Variants in TPD52 observed in about 807,000 individuals in gnomAD.
TPD52 encodes the protein tumor protein D52.
TPD52 carries 17 observed loss-of-function variants against 31.3 expected under a neutral mutation model. The observed-to-expected ratio is 0.54, with a 90% CI of 0.37 to 0.82. The LOEUF is 0.82. Among genes scored for constraint, TPD52 ranks in the 40% least tolerant of loss-of-function variants. The pLI, the probability that TPD52 is intolerant of heterozygous loss-of-function variation, is 0.00. For synonymous variants in TPD52, 83 were observed against 89.6 expected, an observed-to-expected ratio of 0.93 and a Z score of 0.42; for missense variants, 212 against 240.1, an observed-to-expected ratio of 0.88 and a Z score of 0.77.
intron 1 of TPD52, among the ~76,000 whole-genome samples, chr8:80,109,096 G>A (rs1807326077): frequency 6.6e-6 from 1 of 152,164 alleles, no homozygotes; most frequent in Non-Finnish European, 1.5e-5. Flanking sequence ...CAGTCTCACA[G>A]TGAGTGAGTA....
intron 1 of TPD52, among the ~76,000 whole-genome samples, chr8:80,151,425 T>C (rs1810560280): frequency 6.6e-6 from 1 of 152,198 alleles, no homozygotes; most frequent in Admixed American, 6.5e-5. Context: ...ATTGTTAAAG[T>C]ATATTAAACA....
chr8:80,070,525 C>A lies in TPD52; in HGVS notation c.20-5932G>T, dbSNP rs182809810. On this transcript the variant is annotated intron_variant, in intron 1 of 7. Coordinates refer to ENST00000518937, the MANE Select transcript of TPD52 (RefSeq NM_001025253.3). Reference sequence around the variant, plus strand: ...TCATAAGCAATGTGCAACCTAGATCCCTCGCATGTGTGGTTCACAATAGGG... The same window carrying A: ...TCATAAGCAATGTGCAACCTAGATCACTCGCATGTGTGGTTCACAATAGGG... Among the ~76,000 whole-genome samples the A allele has an allele frequency of 1.4e-4, 21 of 152,150 alleles. No homozygotes were observed. In the East Asian group the frequency reaches 4.1e-3, roughly 29 times the overall value.
At chr8:80,092,968 T>C (rs1296522862) in intron 1 of TPD52, among the ~76,000 whole-genome samples, 1 of 152,156 alleles carries the variant, frequency 6.6e-6, no homozygotes, top group Non-Finnish European at 1.5e-5. Flanking sequence ...GTACAGATGG[T>C]AAATTATATA....
intron 3 of TPD52, chr8:80,052,921 A>G (rs751556471): frequency 6.7e-5 from 16 of 238,018 alleles, no homozygotes; most frequent in South Asian, 4.6e-4. Flanking sequence ...TGAAAACTTA[A>G]TTTGTCTGAG....
intron 1 of TPD52, among the ~76,000 whole-genome samples, chr8:80,100,050 G>A (rs1806623225): frequency 6.6e-6 from 1 of 152,176 alleles, no homozygotes; most frequent in Non-Finnish European, 1.5e-5. Context: ...TCTCTAAGTA[G>A]TGTTCTAAAC....
At chr8:80,058,971 A>T (rs1418453142) in intron 2 of TPD52, among the ~76,000 whole-genome samples, 1 of 152,196 alleles carries the variant, frequency 6.6e-6, no homozygotes, top group African/African-American at 2.4e-5. Context: ...ACTGGACCTA[A>T]CACATATATG....
chr8:80,171,381 C>G (rs543375087), intron 1 of TPD52, 44 bp downstream of exon 1: 1 of 1,584,138 alleles, frequency 6.3e-7, no homozygotes, highest in Admixed American at 1.7e-5. Context: ...AGTCCAAGCC[C>G]GAGTCCAAGC....
intron 1 of TPD52, among the ~76,000 whole-genome samples, chr8:80,097,051 A>G (rs1024622269): frequency 3.3e-5 from 5 of 152,258 alleles, no homozygotes; most frequent in African/African-American, 1.2e-4. Flanking sequence ...GTGCTACTCC[A>G]GTGAACACAT....
intron 1 of TPD52, among the ~76,000 whole-genome samples, chr8:80,163,293 T>C (rs1471105632): frequency 6.6e-6 from 1 of 152,172 alleles, no homozygotes; most frequent in African/African-American, 2.4e-5. Flanking sequence ...TATTCAGCCT[T>C]AAGAAGGAAA....
chr8:80,102,344 CACT>C (rs1187104247), intron 1 of TPD52, among the ~76,000 whole-genome samples: 14 of 152,208 alleles, frequency 9.2e-5, no homozygotes, highest in African/African-American at 3.1e-4. Context: ...TGGACCTGAT[CACT>C]ACATGTCAGC....
intron 1 of TPD52, among the ~76,000 whole-genome samples, chr8:80,154,863 T>C (rs973250187): frequency 1.3e-5 from 2 of 152,152 alleles, no homozygotes; most frequent in Non-Finnish European, 2.9e-5. Context: ...CAAAATGTTA[T>C]ATAATACATA....
chr8:80,083,122 T>C (rs1278076966), intron 1 of TPD52, among the ~76,000 whole-genome samples: 10 of 151,770 alleles, frequency 6.6e-5, no homozygotes, highest in Admixed American at 5.9e-4. Flanking sequence ...CTGAAAGACA[T>C]ACAAAATGGA....
chr8:80,051,227 A>G (rs543571808), intron 4 of TPD52: 24 of 406,378 alleles, frequency 5.9e-5, no homozygotes, highest in Non-Finnish European at 1.0e-4. Context: ...CACAATCACA[A>G]ATTTGCAACC....
chr8:80,122,448 C>T (rs1370318865), intron 1 of TPD52, among the ~76,000 whole-genome samples: 1 of 152,046 alleles, frequency 6.6e-6, no homozygotes, highest in Admixed American at 6.6e-5. Flanking sequence ...TTAACATGAC[C>T]CCATATGATA....
At chr8:80,168,754 T>G (rs1182709591) in intron 1 of TPD52, among the ~76,000 whole-genome samples, 1 of 152,166 alleles carries the variant, frequency 6.6e-6, no homozygotes, top group Non-Finnish European at 1.5e-5. Flanking sequence ...AAGTTCTGCT[T>G]CTTGAGAATA....
chr8:80,086,019 C>T (rs1350994879), intron 1 of TPD52, among the ~76,000 whole-genome samples: 1 of 151,662 alleles, frequency 6.6e-6, no homozygotes, highest in Non-Finnish European at 1.5e-5. Context: ...GAATGCAGAA[C>T]CTGAATCGAA....
At chr8:80,039,285 T>A (rs930604556) in intron 7 of TPD52, among the ~76,000 whole-genome samples, 6 of 152,196 alleles carry the variant, frequency 3.9e-5, no homozygotes, top group Non-Finnish European at 8.8e-5. Flanking sequence ...AAAACTGAAC[T>A]CCTTCCCCCG....
At chr8:80,083,452 T>C (rs1417049276) in intron 1 of TPD52, among the ~76,000 whole-genome samples, 1 of 152,164 alleles carries the variant, frequency 6.6e-6, no homozygotes, top group Non-Finnish European at 1.5e-5. Flanking sequence ...AACTGAATCA[T>C]GGGGGCGGTT....
At chr8:80,142,714 C>CA (rs980850445) in intron 1 of TPD52, among the ~76,000 whole-genome samples, 1 of 152,060 alleles carries the variant, frequency 6.6e-6, no homozygotes, top group African/African-American at 2.4e-5. Flanking sequence ...AAAGAAAGCA[C>CA]AATCAGACTG....
Sources: gnomAD v4.1 joint callset for allele counts (sites outside exome capture counted in the v4.1 genomes callset) on GRCh38, gnomAD v4.1.1 for gene constraint, MANE v1.5 for transcripts, NCBI Gene and HGNC (gene_info 2026-07-23, HGNC 2026-07-21) for gene names.